Variants in RELCH observed in about 807,000 individuals in gnomAD.
RELCH encodes RAB11 binding and LisH domain, coiled-coil and HEAT repeat containing.
A neutral mutation model predicts 150.3 loss-of-function variants in RELCH; 41 were observed. The observed-to-expected ratio is 0.27, with a 90% CI of 0.21 to 0.35. The LOEUF (loss-of-function observed/expected upper bound fraction) is 0.35. Among genes scored for constraint, RELCH ranks in the 10% least tolerant of loss-of-function variants. The pLI is 1.00. For synonymous variants in RELCH, 478 were observed against 531.8 expected, an observed-to-expected ratio of 0.90 and a Z score of 1.39; for missense variants, 1,092 against 1,467.8, an observed-to-expected ratio of 0.74 and a Z score of 4.18.
At chr18:62,250,369 A>G (rs1040561133) in intron 11 of RELCH, among the ~76,000 whole-genome samples, 3 of 152,222 alleles carry the variant, frequency 2.0e-5, no homozygotes, top group African/African-American at 7.2e-5. Context: ...GCTTTTTAAG[A>G]AAATTTAGCT....
rs2044404148 is a variant in RELCH at position 62,279,743 on chromosome 18, C to T, written c.2968-31C>T. The T allele has an allele frequency of 4.2e-6, 6 of 1,423,630 alleles. No homozygotes were observed. In the East Asian group the frequency reaches 1.2e-4, roughly 29 times the overall value. The allele number at this position is 1,423,630 out of a possible 1,614,324, so 88.2% of individuals were successfully genotyped here. On this transcript the variant is annotated intron_variant, in intron 22 of 28. Transcript: ENST00000644646. The stretch of plus-strand genomic sequence containing the variant: ...CTGTGTTTGCTCTTTCCGTGCATCA[C>T]CTGTGAATACCCCCTGTGCTGACCA...
At chr18:62,248,776 T>C (rs2042552559) in intron 11 of RELCH, among the ~76,000 whole-genome samples, 1 of 152,232 alleles carries the variant, frequency 6.6e-6, no homozygotes, top group African/African-American at 2.4e-5. Flanking sequence ...TATGTTATTT[T>C]GGCTAGTCCT....
At chr18:62,261,407 T>A (rs2043263212) in intron 15 of RELCH, 104 bp from the exon 16 acceptor site, 1 of 1,068,952 alleles carries the variant, frequency 9.4e-7, no homozygotes, top group Admixed American at 2.1e-5. Context: ...ATAAAGGTCC[T>A]TAAATCTTTG....
rs201670645 is a variant in RELCH, at chr18:62,261,576, C to T, written c.2268C>T (p.Ile756=). 7.4e-6 allele frequency: 12 copies of T among 1,611,944 alleles called. No homozygotes were observed. The highest frequency in any genetic ancestry group is 1.0e-5 in the Non-Finnish European group (12 of 1,178,728). ...ATCTTTCTGCCTTGCAGTCCTTGAT[C>T]CCATCTCTCTTTGCATTAGTGCTAC... is the stretch of plus-strand genomic sequence containing the variant. ...HMYLSALQSL[I]PSLFALVLQN... The change falls in exon 16 of 29, where the codon ATC becomes ATT. Residue 756 remains isoleucine, a synonymous_variant. Coordinates refer to ENST00000644646, the MANE Select transcript of RELCH (RefSeq NM_001346231.2).
At chr18:62,198,514 G>T (rs961089553) in intron 1 of RELCH, among the ~76,000 whole-genome samples, 1 of 152,086 alleles carries the variant, frequency 6.6e-6, no homozygotes, top group African/African-American at 2.4e-5. Context: ...TCCTGTTGTG[G>T]GTGGATAAGA....
In RELCH at chr18:62,213,289, TTA is replaced by T. The variant is rs576174058; in HGVS notation, c.616+2049_616+2050del. 7.4e-3 allele frequency among the ~76,000 whole-genome samples: 1,131 copies of T among 152,238 alleles called. 15 individuals are homozygous for T. Among genetic ancestry groups the T allele is most frequent in the African/African-American group, 0.026 (1,079 of 41,538 alleles). Reference sequence around the variant, plus strand: ...TCCTACCCAGAAGTTATCCATATAATTATGTTTTTTCCTTTAATTTCCTTATT... The same window carrying T: ...TCCTACCCAGAAGTTATCCATATAATTGTTTTTTCCTTTAATTTCCTTATT... On this transcript the variant is annotated intron_variant, in intron 2 of 28. Coordinates refer to ENST00000644646, the MANE Select transcript of RELCH (RefSeq NM_001346231.2).
At chr18:62,274,308 A>G (rs1401776250) in intron 21 of RELCH, among the ~76,000 whole-genome samples, 1 of 152,050 alleles carries the variant, frequency 6.6e-6, no homozygotes, top group African/African-American at 2.4e-5. Flanking sequence ...AAAGTAGGGG[A>G]AAGGGTGCAG....
intron 28 of RELCH, among the ~76,000 whole-genome samples, chr18:62,299,572 G>A (rs1477275942): frequency 6.6e-6 from 1 of 152,042 alleles, no homozygotes; most frequent in Non-Finnish European, 1.5e-5. Context: ...ATATATCTTT[G>A]ATGTGTTAGA....
chr18:62,239,839 T>C (rs1256946462), intron 10 of RELCH, among the ~76,000 whole-genome samples: 1 of 152,090 alleles, frequency 6.6e-6, no homozygotes, highest in African/African-American at 2.4e-5. Flanking sequence ...TGACCCTCCT[T>C]GTCTTGTACT....
chr18:62,269,057 T>C (rs2043747795), intron 20 of RELCH, 109 bp downstream of exon 20: 1 of 467,122 alleles, frequency 2.1e-6, no homozygotes, highest in East Asian at 3.7e-5. Context: ...GAAAAACAAT[T>C]TACTTATTTT....
At chr18:62,274,134 A>G in intron 21 of RELCH, 48 bp downstream of exon 21, 4 of 1,197,558 alleles carry the variant, frequency 3.3e-6, no homozygotes, top group Non-Finnish European at 5.0e-6. Context: ...TAAAGTTTTT[A>G]GATTGGATTT....
intron 26 of RELCH, among the ~76,000 whole-genome samples, chr18:62,288,991 A>G (rs2044968445): frequency 6.6e-6 from 1 of 152,178 alleles, no homozygotes; most frequent in South Asian, 2.1e-4. Flanking sequence ...TATATAGCAG[A>G]GAGTTTCTAA....
intron 2 of RELCH, among the ~76,000 whole-genome samples, chr18:62,219,309 T>A (rs1245102317): frequency 7.6e-6 from 1 of 132,316 alleles, no homozygotes; most frequent in African/African-American, 2.8e-5. Context: ...TTTAACCAGT[T>A]TTTTTTTCTT....
intron 10 of RELCH, among the ~76,000 whole-genome samples, chr18:62,235,950 C>T (rs1445401132): frequency 6.6e-6 from 1 of 151,650 alleles, no homozygotes; most frequent in Non-Finnish European, 1.5e-5. Flanking sequence ...TTATTTTTTC[C>T]TCTTGCTTAA....
intron 20 of RELCH, among the ~76,000 whole-genome samples, chr18:62,273,650 A>G (rs1157038652): frequency 6.6e-6 from 1 of 152,172 alleles, no homozygotes; most frequent in Non-Finnish European, 1.5e-5. Flanking sequence ...ACGTGTGTCT[A>G]TTAAGCCTTT....
At chr18:62,258,980 T>G (rs1333698844) in intron 15 of RELCH, among the ~76,000 whole-genome samples, 1 of 152,012 alleles carries the variant, frequency 6.6e-6, no homozygotes, top group African/African-American at 2.4e-5. Context: ...TACTTAAATA[T>G]TTTACACAAA....
chr18:62,207,447 A>G (rs2039874075), intron 1 of RELCH, among the ~76,000 whole-genome samples: 1 of 152,222 alleles, frequency 6.6e-6, no homozygotes, highest in Non-Finnish European at 1.5e-5. Context: ...ATTGTGAATA[A>G]TGCTGCTATG....
chr18:62,284,429 G>A (rs1368336455), intron 25 of RELCH: 1 of 152,126 alleles, frequency 6.6e-6, no homozygotes, highest in Non-Finnish European at 1.5e-5. Context: ...GCAACTTACT[G>A]TGTACCCACA....
chr18:62,303,616 A>G (rs188231686), intron 28 of RELCH, among the ~76,000 whole-genome samples: 1 of 152,322 alleles, frequency 6.6e-6, no homozygotes, highest in East Asian at 1.9e-4. Context: ...CTGAAAAGCT[A>G]GAATGTTAAG....
Sources: gnomAD v4.1 joint callset for allele counts (sites outside exome capture counted in the v4.1 genomes callset) on GRCh38, gnomAD v4.1.1 for gene constraint, MANE v1.5 for transcripts, NCBI Gene and HGNC (gene_info 2026-07-23, HGNC 2026-07-21) for gene names.